TRIM38: variants seen among roughly 807,000 people sequenced by gnomAD.
The protein encoded by TRIM38 is E3 ubiquitin-protein ligase TRIM38.
Under a neutral mutation model 35.8 loss-of-function variants are expected in TRIM38, and 35 were observed. That is an observed-to-expected ratio of 0.98 (90% CI 0.75 to 1.30). The LOEUF is 1.30. Among genes scored for constraint, TRIM38 ranks in the 50% most tolerant of loss-of-function variants. The probability of loss-of-function intolerance (pLI) is 0.00; values close to 1 mark genes in which losing one functional copy is unlikely to be tolerated. For missense variants in TRIM38, 545 were observed against 556.9 expected, an observed-to-expected ratio of 0.98 and a Z score of 0.21; for synonymous variants, 198 against 204.7, an observed-to-expected ratio of 0.97 and a Z score of 0.28.
At position 25,983,495 on chromosome 6, in the gene TRIM38, C is replaced by T. The variant is rs765451825; in HGVS notation, c.1206C>T (p.Ser402=). 1 of 1,614,122 alleles carries T rather than the reference C, an allele frequency of 6.2e-7. No homozygotes were observed. The highest frequency in any genetic ancestry group is 1.7e-5 in the Admixed American group (1 of 60,012). ...GYVALTSPPT[S]LHLHEQPLLV... Reference sequence around the variant, plus strand: ...TAGCACTTACTTCTCCCCCAACTTCCCTTCATCTGCATGAGCAGCCCCTGC... The same window carrying T: ...TAGCACTTACTTCTCCCCCAACTTCTCTTCATCTGCATGAGCAGCCCCTGC... The change falls in exon 8 of 8, where the codon TCC becomes TCT. Residue 402 remains serine (S), a synonymous_variant. Transcript: ENST00000357085.
chr6:25,970,273 C>T (rs983523074), intron 4 of TRIM38, among the ~76,000 whole-genome samples: 2 of 152,212 alleles, frequency 1.3e-5, no homozygotes, highest in African/African-American at 4.8e-5. Context: ...CTTGCAACTA[C>T]AAACTTTCAG....
Position 25,986,108 on chromosome 6 carries a change from G to A in TRIM38, c.*2421G>A, listed in dbSNP as rs1760698756. On this transcript the variant is annotated 3_prime_UTR_variant, in exon 8 of 8. Transcript: ENST00000357085. The stretch of plus-strand genomic sequence containing the variant: ...AAAGAATATATACTGGAATAATTTT[G>A]AGAGTAATTTGAAGAATTAGATGCA... The A allele has an allele frequency of 2.0e-5, 3 of 152,184 alleles. No individual in the cohort carries two copies. Among genetic ancestry groups the A allele is most frequent in the Non-Finnish European group, 2.9e-5 (2 of 68,040 alleles). 9.4% of individuals were successfully genotyped at this position (152,184 alleles called of 1,614,324 possible).
At chr6:25,980,176 G>A (rs555159945) in intron 7 of TRIM38, among the ~76,000 whole-genome samples, 9 of 152,060 alleles carry the variant, frequency 5.9e-5, no homozygotes, top group Non-Finnish European at 8.8e-5. Flanking sequence ...ATGAGATTGC[G>A]CTTCTTAGAT....
chr6:25,975,714 C>T lies in TRIM38; in HGVS notation c.874+2429C>T, dbSNP rs1201438467. 18 of 970,462 alleles carry T rather than the reference C, an allele frequency of 1.9e-5. No homozygotes were observed. The Admixed American group carries it at 4.3e-4, about 23-fold the overall frequency. The allele number at this position is 970,462 out of a possible 1,614,324, so 60.1% of individuals were successfully genotyped here. A position where few individuals can be genotyped will look rare whatever the true frequency, so the allele number is the denominator to read the frequency against. ...ATATCTTTCCCTAAGTTTGTACAAA[C>T]GTAACATATATACACTGTCTCTTCT... On this transcript the variant is annotated intron_variant, in intron 7 of 7. Coordinates refer to ENST00000357085, the MANE Select transcript of TRIM38 (RefSeq NM_006355.5).
rs375143343 is a variant in TRIM38, at chr6:25,983,236, G to A, written c.947G>A (p.Arg316His). The change falls in exon 8 of 8, where the codon CGT becomes CAT. Residue 316 changes from arginine to histidine, a missense_variant. Coordinates refer to ENST00000357085, the MANE Select transcript of TRIM38 (RefSeq NM_006355.5). ...ILSEDRRQVTRGYTQENQDTS... is the reference protein window; with the variant it reads ...ILSEDRRQVTHGYTQENQDTS... ...TCTGAGGATCGGAGACAAGTGACTC[G>A]TGGATACACCCAGGAGAATCAGGAC... 6.8e-6 allele frequency: 11 copies of A among 1,614,004 alleles called. No individual in the cohort carries two copies. Among genetic ancestry groups the A allele is most frequent in the Admixed American group, 6.7e-5 (4 of 59,994 alleles).
At chr6:25,965,057 C>A (rs1280215579) in intron 2 of TRIM38, among the ~76,000 whole-genome samples, 1 of 152,156 alleles carries the variant, frequency 6.6e-6, no homozygotes, top group South Asian at 2.1e-4. Context: ...AGGTGATCTG[C>A]CCGCCTCGGC....
intron 4 of TRIM38, among the ~76,000 whole-genome samples, chr6:25,971,620 T>C (rs777343586): frequency 3.3e-5 from 5 of 152,208 alleles, no homozygotes; most frequent in Non-Finnish European, 7.3e-5. Flanking sequence ...AACTGTCCAT[T>C]TTCTGGTCTT....
chr6:25,973,181 C>T lies in TRIM38; in HGVS notation c.770C>T (p.Ala257Val). The change falls in exon 7 of 8, where the codon GCT (alanine) becomes GTT (valine). Residue 257 changes from alanine (A) to valine (V), a missense_variant. Physicochemically the swap from Ala to Val is moderately conservative, Grantham distance 64. Coordinates refer to ENST00000357085, the MANE Select transcript of TRIM38 (RefSeq NM_006355.5). ...GCCTCTGCTTATTCTAGGAGTTGGGCTGTGAAGCTGGAAACATCAGAGGCT... is the reference window on the plus strand; with the variant it reads ...GCCTCTGCTTATTCTAGGAGTTGGGTTGTGAAGCTGGAAACATCAGAGGCT... ...NVNDTLSRSW[A>V]VKLETSEAVS... The T allele has an allele frequency of 6.2e-7, 1 of 1,614,172 alleles. No homozygotes were observed. The highest frequency in any genetic ancestry group is 1.1e-5 in the South Asian group (1 of 91,076).
chr6:25,976,463 A>C lies in TRIM38; in HGVS notation c.874+3178A>C, dbSNP rs77528124. 2.6e-3 allele frequency among the ~76,000 whole-genome samples: 400 copies of C among 152,112 alleles called. 2 individuals are homozygous for C. Among genetic ancestry groups the C allele is most frequent in the East Asian group, 0.011 (57 of 5,180 alleles). On this transcript the variant is annotated intron_variant, in intron 7 of 7. Transcript: ENST00000357085. ...TTTAAAAATTTTTTGTAGAAACACTATCTCTTTATTTTGTTCAGGCTGGTC... is the reference window on the plus strand; with the variant it reads ...TTTAAAAATTTTTTGTAGAAACACTCTCTCTTTATTTTGTTCAGGCTGGTC...
chr6:25,976,374 C>G lies in TRIM38; in HGVS notation c.874+3089C>G, dbSNP rs117934454. 1.5e-3 allele frequency among the ~76,000 whole-genome samples: 229 copies of G among 152,318 alleles called. 7 individuals carry two copies. The South Asian group carries it at 0.022, about 15-fold the overall frequency. ...CCTTAAATTCCTGGGCTTAAGCAAT[C>G]CTCCCACGTCAGCTTCCCCAGTAGC... On this transcript the variant is annotated intron_variant, in intron 7 of 7. Transcript: ENST00000357085.
Position 25,972,033 on chromosome 6 carries a change from T to A in TRIM38, c.672T>A (p.Asn224Lys), listed in dbSNP as rs141368509. ...DYEAGLGLKS[N>K]ELKSHILELE... ...AGGCTGGTCTGGGGCTGAAGAGCAATGAACTCAAGAGCCACATCCTGGAAC... is the reference window on the plus strand; with the variant it reads ...AGGCTGGTCTGGGGCTGAAGAGCAAAGAACTCAAGAGCCACATCCTGGAAC... Residue 224 changes from asparagine to lysine, a missense_variant, in exon 5 of 8, where the codon AAT becomes AAA. Asn to Lys is a moderately conservative substitution (Grantham distance 94). Transcript: ENST00000357085. 71 of 1,613,806 alleles carry A rather than the reference T, an allele frequency of 4.4e-5. No individual in the cohort carries two copies. The highest frequency in any genetic ancestry group is 5.2e-5 in the Non-Finnish European group (61 of 1,180,002).
intron 7 of TRIM38, chr6:25,975,017 T>A: frequency 1.0e-6 from 1 of 978,080 alleles, no homozygotes; most frequent in Non-Finnish European, 1.2e-6. Context: ...GTGAAACTAT[T>A]TCTTTCTTTC....
rs749471571 is a variant in TRIM38 at position 25,972,117 on chromosome 6, G to C, written c.738+18G>C. On this transcript the variant is annotated intron_variant, in intron 5 of 7. Coordinates refer to ENST00000357085, the MANE Select transcript of TRIM38 (RefSeq NM_006355.5). ...TGCTGCAGGTGAGGCTGTGTACTTG[G>C]AGTAGGGAAAAAAGGTATGTTATAG... The C allele has an allele frequency of 3.7e-6, 6 of 1,607,398 alleles. No individual in the cohort carries two copies. The highest frequency in any genetic ancestry group is 1.3e-5 in the African/African-American group (1 of 74,560).
At position 25,966,347 on chromosome 6, in the gene TRIM38, T is replaced by C; in HGVS notation, c.-176T>C. 1.6e-6 allele frequency: 1 copy of C among 643,346 alleles called. No individual in the cohort carries two copies. Among genetic ancestry groups the C allele is most frequent in the Non-Finnish European group, 2.4e-6 (1 of 411,080 alleles). The allele number at this position is 643,346 out of a possible 1,614,324, so 39.9% of individuals were successfully genotyped here. Reference sequence around the variant, plus strand: ...TTCTTCCTTTTAGGTCCTCTTTTCTTCAATACAAAATGAGATAATAGGGGT... The same window carrying C: ...TTCTTCCTTTTAGGTCCTCTTTTCTCCAATACAAAATGAGATAATAGGGGT... On this transcript the variant is annotated 5_prime_UTR_variant, in exon 3 of 8. Transcript: ENST00000357085.
At chr6:25,974,222 G>A (rs12192649) in intron 7 of TRIM38, among the ~76,000 whole-genome samples, 24,945 of 152,100 alleles carry the variant, frequency 0.16, 2,574 homozygotes, top group Non-Finnish European at 0.23. Flanking sequence ...GCTCACTGAG[G>A]TAGCAGGCAG....
chr6:25,969,188 G>A, intron 3 of TRIM38, 137 bp from the exon 4 acceptor site: 1 of 636,792 alleles, frequency 1.6e-6, no homozygotes, highest in East Asian at 2.8e-5. Context: ...CCTTTAGCAT[G>A]CTCTCTAGCA....
At chr6:25,965,914 C>T (rs1207156227) in intron 2 of TRIM38, among the ~76,000 whole-genome samples, 4 of 147,856 alleles carry the variant, frequency 2.7e-5, no homozygotes, top group Admixed American at 6.7e-5. Context: ...AGTGAGACTC[C>T]GTCTCATTAA....
Position 25,987,093 on chromosome 6 carries a change from T to C in TRIM38, c.*3406T>C, listed in dbSNP as rs1181482041. On this transcript the variant is annotated 3_prime_UTR_variant, in exon 8 of 8. Transcript: ENST00000357085. ...TAAAAAACAGAGAAGGGACATCGAA[T>C]AGATGACCAACAATCTCCTTCACAC... 6.6e-6 allele frequency: 1 copy of C among 151,930 alleles called. No individual in the cohort carries two copies. The highest frequency in any genetic ancestry group is 2.4e-5 in the African/African-American group (1 of 41,264). 9.4% of individuals were successfully genotyped at this position (151,930 alleles called of 1,614,324 possible).
intron 7 of TRIM38, chr6:25,974,828 A>C: frequency 1.1e-6 from 1 of 920,694 alleles, no homozygotes; most frequent in Non-Finnish European, 1.3e-6. Context: ...GGAATTATAG[A>C]CCTGTGTTCC....
Sources: allele counts gnomAD v4.1 joint callset (sites outside exome capture counted in the v4.1 genomes callset), GRCh38; gene constraint gnomAD v4.1.1; transcripts MANE v1.5; gene names NCBI Gene and HGNC (gene_info 2026-07-23, HGNC 2026-07-21).